XYLT1: variants seen among roughly 807,000 people sequenced by gnomAD.
XYLT1 encodes the protein xylosyltransferase 1.
In XYLT1, 36 loss-of-function variants were observed where a neutral mutation model predicts 91.3. The observed-to-expected ratio is 0.39, with a 90% CI of 0.30 to 0.52. XYLT1 has a LOEUF of 0.52. Ranked by LOEUF, XYLT1 falls within the 20% of genes least tolerant of loss-of-function variation. The pLI is 0.68. For missense variants in XYLT1, 1,242 were observed against 1,284.5 expected (o/e 0.97, Z 0.51); for synonymous variants, 588 against 532.0 (o/e 1.11, Z -1.45).
At chr16:17,437,346 CAT>C (rs1358982392) in intron 1 of XYLT1, among the ~76,000 whole-genome samples, 5 of 152,196 alleles carry the variant, frequency 3.3e-5, no homozygotes, top group Non-Finnish European at 2.9e-5. Context: ...TAAACTCCCA[CAT>C]GTGGCCACAG....
intron 2 of XYLT1, among the ~76,000 whole-genome samples, chr16:17,321,159 G>A (rs1258078084): frequency 2.0e-5 from 3 of 151,866 alleles, no homozygotes; most frequent in Non-Finnish European, 4.4e-5. Flanking sequence ...AGTGGGGCAG[G>A]CTGTACATCT....
intron 3 of XYLT1, among the ~76,000 whole-genome samples, chr16:17,252,453 G>A (rs1038806614): frequency 3.3e-5 from 5 of 152,100 alleles, no homozygotes; most frequent in Non-Finnish European, 5.9e-5. Context: ...CAAATTTCTC[G>A]GAGGCCATCA....
intron 1 of XYLT1, among the ~76,000 whole-genome samples, chr16:17,401,792 AG>A (rs1200864670): frequency 6.6e-6 from 1 of 152,032 alleles, no homozygotes; most frequent in Non-Finnish European, 1.5e-5. Context: ...TTGGCCAGTC[AG>A]CTCCTGCTTA....
In XYLT1 at chr16:17,447,021, G is replaced by A. The variant is rs578164806; in HGVS notation, c.363+23413C>T. ...CCTCCCCTCCATCCCTCCCTCCTTC[G>A]GAGAGCCTCCACATTCGAATCTCCG... On this transcript the variant is annotated intron_variant, in intron 1 of 11. Coordinates refer to ENST00000261381, the MANE Select transcript of XYLT1 (RefSeq NM_022166.4). Among the ~76,000 whole-genome samples the A allele has an allele frequency of 4.9e-5, 6 of 121,638 alleles. No homozygotes were observed. In the South Asian group the frequency reaches 1.0e-3, roughly 21 times the overall value. 79.8% of individuals were successfully genotyped at this position (121,638 alleles called of 152,430 possible).
intron 3 of XYLT1, among the ~76,000 whole-genome samples, chr16:17,255,915 G>A (rs1484429564): frequency 1.3e-5 from 2 of 152,126 alleles, no homozygotes; most frequent in Admixed American, 6.5e-5. Flanking sequence ...GGCTAAGGCA[G>A]GAGAATCACT....
At chr16:17,285,664 G>T (rs2034124549) in intron 2 of XYLT1, among the ~76,000 whole-genome samples, 1 of 152,158 alleles carries the variant, frequency 6.6e-6, no homozygotes, top group Non-Finnish European at 1.5e-5. Flanking sequence ...ACCCTGGCTT[G>T]CATTCAAATG....
At chr16:17,133,626 C>A (rs1292401643) in intron 9 of XYLT1, among the ~76,000 whole-genome samples, 1 of 152,084 alleles carries the variant, frequency 6.6e-6, no homozygotes, top group Non-Finnish European at 1.5e-5. Flanking sequence ...AACAGGATAC[C>A]CAATTCTTGT....
chr16:17,339,307 A>G (rs2035032748), intron 2 of XYLT1, among the ~76,000 whole-genome samples: 1 of 152,212 alleles, frequency 6.6e-6, no homozygotes, highest in Non-Finnish European at 1.5e-5. Flanking sequence ...ACCTTCAATT[A>G]TGAATATAGG....
intron 1 of XYLT1, among the ~76,000 whole-genome samples, chr16:17,467,911 C>T (rs2036921154): frequency 6.6e-6 from 1 of 152,140 alleles, no homozygotes; most frequent in African/African-American, 2.4e-5. Context: ...TGTGTCTAAC[C>T]ACCTCTCTAC....
intron 3 of XYLT1, among the ~76,000 whole-genome samples, chr16:17,242,614 A>T (rs1001274068): frequency 6.6e-6 from 1 of 152,220 alleles, no homozygotes; most frequent in Non-Finnish European, 1.5e-5. Flanking sequence ...AGCTATTTTT[A>T]AAAAATGGTA....
chr16:17,426,085 A>G (rs1033462587), intron 1 of XYLT1, among the ~76,000 whole-genome samples: 8 of 152,354 alleles, frequency 5.3e-5, no homozygotes, highest in South Asian at 2.1e-4. Context: ...CTATCTGTTT[A>G]ACAAATATTC....
Position 17,138,482 on chromosome 16 carries a change from A to G in XYLT1, c.1637T>C (p.Val546Ala). ...GTTGGTGATGCGCAGGTTGTTGTCC[A>G]CCATGGTGTCGCAGTGGGGGCTGTT... ...LENSPHCDTM[V>A]DNNLRITNWN... The change falls in exon 8 of 12, where the codon GTG becomes GCG. Residue 546 changes from valine (V) to alanine (A), a missense_variant. Val to Ala is a moderately conservative substitution (Grantham distance 64). Around this residue, in one of 3 missense-constraint regions of XYLT1, gnomAD observed 294 missense variants for 376.0 expected, o/e 0.78. Transcript: ENST00000261381. The G allele has an allele frequency of 6.2e-7, 1 of 1,614,146 alleles. No homozygotes were observed. Among genetic ancestry groups the G allele is most frequent in the African/African-American group, 1.3e-5 (1 of 75,028 alleles).
intron 3 of XYLT1, among the ~76,000 whole-genome samples, chr16:17,245,860 C>T (rs961051890): frequency 3.9e-5 from 6 of 152,268 alleles, no homozygotes; most frequent in South Asian, 4.2e-4. Context: ...GGGAGGTAAC[C>T]GCGGCTGGCT....
intron 2 of XYLT1, among the ~76,000 whole-genome samples, chr16:17,301,728 C>T (rs748164733): frequency 1.3e-5 from 2 of 152,108 alleles, no homozygotes; most frequent in African/African-American, 2.4e-5. Flanking sequence ...CAACAGGTGG[C>T]GAATGCTAAT....
intron 6 of XYLT1, among the ~76,000 whole-genome samples, chr16:17,149,560 G>A (rs376868065): frequency 6.6e-6 from 1 of 152,126 alleles, no homozygotes; most frequent in African/African-American, 2.4e-5. Flanking sequence ...TAAAGTCATG[G>A]AATAAATCAT....
At chr16:17,284,019 C>A (rs1325840262) in intron 2 of XYLT1, among the ~76,000 whole-genome samples, 2 of 152,230 alleles carry the variant, frequency 1.3e-5, no homozygotes, top group Admixed American at 6.5e-5. Flanking sequence ...TCCAGCTCAA[C>A]ATAGAGCAGA....
intron 2 of XYLT1, among the ~76,000 whole-genome samples, chr16:17,305,838 C>G (rs895716634): frequency 1.3e-5 from 2 of 152,150 alleles, no homozygotes; most frequent in East Asian, 1.9e-4. Flanking sequence ...ATGTTAGAAA[C>G]AGTCAGTCCT....
At chr16:17,358,951 C>G (rs758964401) in intron 1 of XYLT1, among the ~76,000 whole-genome samples, 2 of 151,918 alleles carry the variant, frequency 1.3e-5, no homozygotes, top group Non-Finnish European at 2.9e-5. Context: ...GTACAAAAGC[C>G]GATTGACTGG....
At chr16:17,358,952 G>A (rs781658648) in intron 1 of XYLT1, among the ~76,000 whole-genome samples, 11 of 152,122 alleles carry the variant, frequency 7.2e-5, no homozygotes, top group East Asian at 5.8e-4. Flanking sequence ...TACAAAAGCC[G>A]ATTGACTGGG....
Sources: allele counts gnomAD v4.1 joint callset (sites outside exome capture counted in the v4.1 genomes callset), GRCh38; gene constraint gnomAD v4.1.1; regional missense constraint gnomAD v4.1.1; transcripts MANE v1.5; gene names NCBI Gene and HGNC (gene_info 2026-07-23, HGNC 2026-07-21).